SRSF7: variants seen among roughly 807,000 people sequenced by gnomAD.
SRSF7 encodes serine/arginine-rich splicing factor 7.
Under a neutral mutation model 42.2 loss-of-function variants are expected in SRSF7, and 15 were observed. That is an observed-to-expected ratio of 0.36 (90% CI 0.24 to 0.55). SRSF7 has a LOEUF of 0.55. Ranked by LOEUF, SRSF7 falls within the 20% of genes least tolerant of loss-of-function variation. The pLI, the probability that SRSF7 is intolerant of heterozygous loss-of-function variation, is 0.88. For missense variants in SRSF7, 181 were observed against 305.9 expected (o/e 0.59, Z 3.04); for synonymous variants, 138 against 107.9 (o/e 1.28, Z -1.73).
chr2:38,751,164 C>T, intron 1 of SRSF7, 65 bp downstream of exon 1: 3 of 1,604,636 alleles, frequency 1.9e-6, no homozygotes, highest in East Asian at 4.5e-5. Context: ...TCCGCGACAA[C>T]CCTACGGCCT....
upstream of SRSF7, chr2:38,751,456 A>C (rs1558615911): frequency 1.5e-6 from 1 of 677,544 alleles, no homozygotes; most frequent in African/African-American, 1.8e-5. Flanking sequence ...AGCTGGGCGG[A>C]AACAGCCAAG....
chr2:38,749,421 T>C (rs1667950594), intron 3 of SRSF7, 108 bp downstream of exon 3: 3 of 1,563,206 alleles, frequency 1.9e-6, no homozygotes, highest in Non-Finnish European at 2.6e-6. Context: ...AAAATACACC[T>C]GTACAATTAA....
chr2:38,749,179 A>C (rs1667922551), intron 3 of SRSF7: 1 of 1,328,218 alleles, frequency 7.5e-7, no homozygotes, highest in Non-Finnish European at 9.9e-7. Context: ...CTGCCCTTTA[A>C]AGAATAAGGT....
At chr2:38,748,431 A>C (rs1228251612) in intron 4 of SRSF7, 148 bp downstream of exon 4, 2 of 791,802 alleles carry the variant, frequency 2.5e-6, no homozygotes, top group African/African-American at 3.4e-5. Context: ...TCATCAAGGC[A>C]GCAGTGAGTC....
At chr2:38,747,310 C>G (rs919688819) in intron 5 of SRSF7, among the ~76,000 whole-genome samples, 3 of 152,226 alleles carry the variant, frequency 2.0e-5, no homozygotes, top group African/African-American at 7.2e-5. Context: ...TTAAATTTAT[C>G]TAAAGAGATG....
chr2:38,750,298 C>T lies in SRSF7; in HGVS notation c.29-104G>A, dbSNP rs571845363. On this transcript the variant is annotated intron_variant, in intron 1 of 7. Coordinates refer to ENST00000313117, the MANE Select transcript of SRSF7 (RefSeq NM_001031684.3). ...GGGCCATCCTCAAGATTGGGTAAAG[C>T]ACATTTAATGCCCTCTATCCAAGAC... 6 of 1,012,422 alleles carry T rather than the reference C, an allele frequency of 5.9e-6. No individual in the cohort carries two copies. In the Admixed American group the frequency reaches 9.4e-5, roughly 16 times the overall value. 62.7% of individuals were successfully genotyped at this position (1,012,422 alleles called of 1,614,324 possible).
intron 5 of SRSF7, 47 bp downstream of exon 5, chr2:38,747,995 TGATAA>T (rs1039113179): frequency 1.6e-5 from 21 of 1,324,270 alleles, no homozygotes; most frequent in Middle Eastern, 1.8e-4. Flanking sequence ...GACACTCTAC[TGATAA>T]GATGTGAACA....
chr2:38,745,223 T>A, intron 7 of SRSF7, 36 bp from the exon 8 acceptor site: 1 of 1,610,724 alleles, frequency 6.2e-7, no homozygotes, highest in Non-Finnish European at 8.5e-7. Flanking sequence ...ATCCAATTAG[T>A]GTCAATTGAA....
chr2:38,746,557 C>A lies in SRSF7; in HGVS notation c.626+137G>T, dbSNP rs1020825054. 4.6e-6 allele frequency: 6 copies of A among 1,311,388 alleles called. No individual in the cohort carries two copies. In the East Asian group the frequency reaches 9.3e-5, roughly 20 times the overall value. The allele number at this position is 1,311,388 out of a possible 1,614,324, so 81.2% of individuals were successfully genotyped here. ...GTCAGCCAGTAATAAATAGGACATA[C>A]ACAAATAAGGTACTGTGTTCCCACT... On this transcript the variant is annotated intron_variant, in intron 6 of 7. Transcript: ENST00000313117.
At chr2:38,751,128 G>A (rs942856410) in intron 1 of SRSF7, 101 bp downstream of exon 1, 13 of 1,509,118 alleles carry the variant, frequency 8.6e-6, no homozygotes, top group Non-Finnish European at 1.2e-5. Flanking sequence ...CCGCCATTAC[G>A]CACGCGGAAT....
Position 38,748,564 on chromosome 2 carries a change from T to A in SRSF7, c.461+15A>T, listed in dbSNP as rs1558611651. On this transcript the variant is annotated intron_variant, in intron 4 of 7. Coordinates refer to ENST00000313117, the MANE Select transcript of SRSF7 (RefSeq NM_001031684.3). Reference sequence around the variant, plus strand: ...AATAATAATACAGAAAGACTTCAGTTAAACAAGATCTCACCTTCGTCCCCT... The same window carrying A: ...AATAATAATACAGAAAGACTTCAGTAAAACAAGATCTCACCTTCGTCCCCT... 1 of 1,612,584 alleles carries A rather than the reference T, an allele frequency of 6.2e-7. No individual in the cohort carries two copies.
chr2:38,747,977 G>T, intron 5 of SRSF7, 70 bp downstream of exon 5: 1 of 1,076,380 alleles, frequency 9.3e-7, no homozygotes, highest in Non-Finnish European at 1.4e-6. Context: ...TTTGAATTAT[G>T]TCCTTAAGAC....
Position 38,744,861 on chromosome 2 carries a change from A to C in SRSF7, c.*272T>G. On this transcript the variant is annotated 3_prime_UTR_variant, in exon 8 of 8. Transcript: ENST00000313117. ...GTCTGACTCTCAAATATATCAAATT[A>C]AGAAGTGTTAATATTGAACACAAAT... 2.6e-6 allele frequency: 1 copy of C among 380,718 alleles called. No homozygotes were observed. The highest frequency in any genetic ancestry group is 4.5e-5 in the East Asian group (1 of 22,314). The allele number at this position is 380,718 out of a possible 1,614,324, so 23.6% of individuals were successfully genotyped here. A position where few individuals can be genotyped will look rare whatever the true frequency, so the allele number is the denominator to read the frequency against.
At chr2:38,746,659 A>G (rs975853468) in intron 6 of SRSF7, 35 bp downstream of exon 6, 9 of 1,610,578 alleles carry the variant, frequency 5.6e-6, no homozygotes, top group Admixed American at 3.4e-5. Context: ...TTGGTGCCAT[A>G]TAACTAGAAA....
intron 1 of SRSF7, chr2:38,750,869 G>C (rs914913472): frequency 9.9e-6 from 3 of 301,920 alleles, no homozygotes; most frequent in East Asian, 1.6e-4. Flanking sequence ...AAGCGCTGAG[G>C]AAATGCGCCA....
chr2:38,746,619 C>A, intron 6 of SRSF7, 75 bp downstream of exon 6: 1 of 1,586,426 alleles, frequency 6.3e-7, no homozygotes, highest in African/African-American at 1.4e-5. Flanking sequence ...AAAATTTCAA[C>A]AATTAAAAAC....
At chr2:38,747,366 T>C (rs527868305) in intron 5 of SRSF7, among the ~76,000 whole-genome samples, 53 of 152,284 alleles carry the variant, frequency 3.5e-4, no homozygotes, top group Admixed American at 1.6e-3. Context: ...AATTCCTGCA[T>C]TTAAAGGTTT....
Position 38,745,085 on chromosome 2 carries a change from A to G in SRSF7, c.*48T>C. The G allele has an allele frequency of 6.3e-7, 1 of 1,587,624 alleles. No homozygotes were observed. Among genetic ancestry groups the G allele is most frequent in the Non-Finnish European group, 8.6e-7 (1 of 1,157,032 alleles). ...TTTACAGACATCACAAATCCCTTAT[A>G]ATAATGTAAACAAAATAACTTTTCC... On this transcript the variant is annotated 3_prime_UTR_variant, in exon 8 of 8. Transcript: ENST00000313117.
Position 38,745,086 on chromosome 2 carries a change from A to G in SRSF7, c.*47T>C. ...TTACAGACATCACAAATCCCTTATA[A>G]TAATGTAAACAAAATAACTTTTCCC... On this transcript the variant is annotated 3_prime_UTR_variant, in exon 8 of 8. Transcript: ENST00000313117. 3 of 1,590,878 alleles carry G rather than the reference A, an allele frequency of 1.9e-6. No individual in the cohort carries two copies. The highest frequency in any genetic ancestry group is 2.2e-5 in the East Asian group (1 of 44,690).
Sources: gnomAD v4.1 joint callset for allele counts (sites outside exome capture counted in the v4.1 genomes callset) on GRCh38, gnomAD v4.1.1 for gene constraint, MANE v1.5 for transcripts, NCBI Gene and HGNC (gene_info 2026-07-23, HGNC 2026-07-21) for gene names.